Variants in EDN3 observed in about 807,000 individuals in gnomAD.
EDN3 encodes endothelin-3.
EDN3 carries 9 observed loss-of-function variants against 21.4 expected under a neutral mutation model. That is an observed-to-expected ratio of 0.42 (90% confidence interval 0.25 to 0.73). EDN3 has a LOEUF of 0.73. Ranked by LOEUF, EDN3 falls within the 30% of genes least tolerant of loss-of-function variation. The pLI, the probability that EDN3 is intolerant of heterozygous loss-of-function variation, is 0.26. For synonymous variants in EDN3, 133 were observed against 126.2 expected (o/e 1.05, Z -0.36); for missense variants, 327 against 309.4 (o/e 1.06, Z -0.43).
chr20:59,308,931 C>A (rs6026806), intron 2 of EDN3, among the ~76,000 whole-genome samples: 5,985 of 152,278 alleles, frequency 0.039, 301 homozygotes, highest in African/African-American at 0.12. Context: ...CTGTCCCCTG[C>A]AGGACGGTCT....
intron 2 of EDN3, among the ~76,000 whole-genome samples, chr20:59,309,610 T>C (rs1989658800): frequency 6.6e-6 from 1 of 152,200 alleles, no homozygotes; most frequent in South Asian, 2.1e-4. Flanking sequence ...CAGGAGGTTT[T>C]TCCCCTCACA....
At chr20:59,303,665 A>T (rs1269170331) in intron 2 of EDN3, among the ~76,000 whole-genome samples, 1 of 152,176 alleles carries the variant, frequency 6.6e-6, no homozygotes, top group Non-Finnish European at 1.5e-5. Flanking sequence ...CATGTCTGAG[A>T]GTCTCAACCA....
At chr20:59,310,023 A>G (rs1407893988) in intron 2 of EDN3, among the ~76,000 whole-genome samples, 1 of 152,212 alleles carries the variant, frequency 6.6e-6, no homozygotes, top group African/African-American at 2.4e-5. Context: ...TGAAAGGGCC[A>G]TTACAGTGAG....
chr20:59,312,703 T>G (rs1192489891), intron 2 of EDN3, among the ~76,000 whole-genome samples: 1 of 152,180 alleles, frequency 6.6e-6, no homozygotes. Context: ...AGTTTGGTGT[T>G]AGCGCTGGGG....
chr20:59,323,268 G>C (rs1410411314), intron 4 of EDN3, among the ~76,000 whole-genome samples: 7 of 152,134 alleles, frequency 4.6e-5, no homozygotes, highest in Non-Finnish European at 1.0e-4. Flanking sequence ...ACAGAGCCCG[G>C]GAGAGCATGA....
At chr20:59,304,530 T>TTTCAGAGCCTTTCCTCCC (rs1168011362) in intron 2 of EDN3, among the ~76,000 whole-genome samples, 1 of 152,220 alleles carries the variant, frequency 6.6e-6, no homozygotes, top group East Asian at 1.9e-4. Flanking sequence ...GCTTTTCACC[T>TTTCAGAGCCTTTCCTCCC]TTCAGAGCCT....
chr20:59,300,650 C>G lies in EDN3; in HGVS notation c.-163C>G. ...AGCGCGCTCTGAAAGTTTATGACCG[C>G]CGCAGCCAACTCCTGGCCGGAGCTG... On this transcript the variant is annotated 5_prime_UTR_variant, in exon 1 of 5. Coordinates refer to ENST00000337938, the MANE Select transcript of EDN3 (RefSeq NM_207034.3). 1.5e-6 allele frequency: 1 copy of G among 676,466 alleles called. No homozygotes were observed. The highest frequency in any genetic ancestry group is 2.5e-6 in the Non-Finnish European group (1 of 401,904). The allele number at this position is 676,466 out of a possible 1,614,324, so 41.9% of individuals were successfully genotyped here.
rs886056890 is a variant in EDN3, at chr20:59,325,857, C to T, written c.*1398C>T. 1 of 152,168 alleles carries T rather than the reference C, an allele frequency of 6.6e-6. No individual in the cohort carries two copies. Among genetic ancestry groups the T allele is most frequent in the Non-Finnish European group, 1.5e-5 (1 of 68,046 alleles). 9.4% of individuals were successfully genotyped at this position (152,168 alleles called of 1,614,324 possible). A position where few individuals can be genotyped will look rare whatever the true frequency, so the allele number is the denominator to read the frequency against. On this transcript the variant is annotated 3_prime_UTR_variant, in exon 5 of 5. Transcript: ENST00000337938. ...GAATACAAACTCATACTCCTTAGAGCTTGAATTACATTTTTAAAATGCATA... is the reference window on the plus strand; with the variant it reads ...GAATACAAACTCATACTCCTTAGAGTTTGAATTACATTTTTAAAATGCATA...
chr20:59,324,606 C>CG lies in EDN3; in HGVS notation c.*147_*148insG. ...AGTCCCCACTTAACAATACCCCCCC[C>CG]CCACGGCAAGAATGCCCAAATCCGA... On this transcript the variant is annotated 3_prime_UTR_variant, in exon 5 of 5. Transcript: ENST00000337938. 2 of 1,100,670 alleles carry CG rather than the reference C, an allele frequency of 1.8e-6. No homozygotes were observed. The highest frequency in any genetic ancestry group is 2.6e-6 in the Non-Finnish European group (2 of 758,378). 68.2% of individuals were successfully genotyped at this position (1,100,670 alleles called of 1,614,324 possible).
Position 59,305,249 on chromosome 20 carries a change from A to G in EDN3, c.365+3527A>G, listed in dbSNP as rs533906743. ...CCCACAGTCCCCAAGCCATCCCACC[A>G]CTGCCAACAAAATCAAAGTCCCAAA... is the stretch of plus-strand genomic sequence containing the variant. On this transcript the variant is annotated intron_variant, in intron 2 of 4. Transcript: ENST00000337938. This position sits in a 1 kb window ranked among gnomAD's most constrained non-coding sequence, Gnocchi z 4.2. 9.2e-5 allele frequency among the ~76,000 whole-genome samples: 14 copies of G among 152,278 alleles called. No homozygotes were observed. The highest frequency in any genetic ancestry group is 3.4e-4 in the African/African-American group (14 of 41,552).
rs1363468749 is a variant in EDN3 at position 59,324,608 on chromosome 20, C to CA, written c.*150dup. On this transcript the variant is annotated 3_prime_UTR_variant, in exon 5 of 5. Transcript: ENST00000337938. ...TCCCCACTTAACAATACCCCCCCCC[C>CA]ACGGCAAGAATGCCCAAATCCGAAT... The CA allele has an allele frequency of 3.8e-6, 4 of 1,053,680 alleles. No individual in the cohort carries two copies. The highest frequency in any genetic ancestry group is 2.6e-5 in the East Asian group (1 of 38,058). The allele number at this position is 1,053,680 out of a possible 1,614,324, so 65.3% of individuals were successfully genotyped here.
intron 2 of EDN3, among the ~76,000 whole-genome samples, chr20:59,310,019 G>A (rs1369816970): frequency 1.3e-5 from 2 of 152,174 alleles, no homozygotes; most frequent in East Asian, 1.9e-4. Context: ...TAGATGAAAG[G>A]GCCATTACAG....
chr20:59,320,330 G>T (rs948323753), intron 2 of EDN3, among the ~76,000 whole-genome samples: 1 of 152,208 alleles, frequency 6.6e-6, no homozygotes, highest in African/African-American at 2.4e-5. Flanking sequence ...CTTCTCATTA[G>T]CACAAACTGC....
At chr20:59,304,496 A>C (rs907175748) in intron 2 of EDN3, among the ~76,000 whole-genome samples, 9 of 152,198 alleles carry the variant, frequency 5.9e-5, no homozygotes, top group African/African-American at 2.2e-4. Flanking sequence ...CTTGTGCCTC[A>C]GTCAGGGGTC....
Position 59,301,446 on chromosome 20 carries a change from G to A in EDN3, c.89G>A (p.Arg30Lys), listed in dbSNP as rs1989011870. 4.3e-6 allele frequency: 7 copies of A among 1,612,956 alleles called. No individual in the cohort carries two copies. The change falls in exon 2 of 5, where the codon AGG (arginine) becomes AAG (lysine). Residue 30 changes from arginine to lysine, a missense_variant. Arg to Lys is a conservative substitution (Grantham distance 26, BLOSUM62 2). Transcript: ENST00000337938. ...VPCSQSGDAG[R>K]RGVSQAPTAA... The stretch of plus-strand genomic sequence containing the variant: ...TGCTCCCAGTCTGGGGATGCTGGCA[G>A]GCGCGGCGTGTCCCAGGCCCCCACT...
chr20:59,302,753 C>A (rs192878334), intron 2 of EDN3, among the ~76,000 whole-genome samples: 78 of 152,236 alleles, frequency 5.1e-4, no homozygotes, highest in African/African-American at 1.8e-3. Context: ...TGAATGCAAG[C>A]CCCTGGAAGC....
chr20:59,303,493 C>G (rs1370192493), intron 2 of EDN3, among the ~76,000 whole-genome samples: 2 of 152,170 alleles, frequency 1.3e-5, no homozygotes, highest in East Asian at 3.8e-4. Context: ...GCCAGAATCC[C>G]CAGCTGTGAA....
intron 2 of EDN3, among the ~76,000 whole-genome samples, chr20:59,304,875 T>C (rs1173390509): frequency 6.6e-6 from 1 of 152,208 alleles, no homozygotes; most frequent in Non-Finnish European, 1.5e-5. Context: ...GCACCCAGCA[T>C]GGCATGGATG....
chr20:59,312,183 C>T lies in EDN3; in HGVS notation c.366-8834C>T, dbSNP rs1037482495. 4.6e-5 allele frequency among the ~76,000 whole-genome samples: 7 copies of T among 152,278 alleles called. No individual in the cohort carries two copies. In the East Asian group the frequency reaches 1.4e-3, roughly 29 times the overall value. On this transcript the variant is annotated intron_variant, in intron 2 of 4. Coordinates refer to ENST00000337938, the MANE Select transcript of EDN3 (RefSeq NM_207034.3). ...GTTATAATGAGGCTGGGCCAGGCAG[C>T]CATGGATTTCTCATGCCTACATTCG... is the stretch of plus-strand genomic sequence containing the variant.
Sources: gnomAD v4.1 joint callset for allele counts (sites outside exome capture counted in the v4.1 genomes callset) on GRCh38, gnomAD v4.1.1 for gene constraint, Gnocchi (gnomAD v3.1) non-coding constraint, MANE v1.5 for transcripts, NCBI Gene and HGNC (gene_info 2026-07-23, HGNC 2026-07-21) for gene names.